The following CERS6 variants were observed in gnomAD, a reference collection of about 807,000 sequenced individuals.
CERS6 encodes LAG1 homolog, ceramide synthase 6.
CERS6 carries 26 observed loss-of-function variants against 56.8 expected under a neutral mutation model. That is an observed-to-expected ratio of 0.46 (90% CI 0.34 to 0.63). The LOEUF (loss-of-function observed/expected upper bound fraction) is 0.63. CERS6 is among the 30% of genes least tolerant of loss of function. The pLI is 0.01. For synonymous variants in CERS6, 164 were observed against 173.3 expected (o/e 0.95, Z 0.42); for missense variants, 415 against 467.5 (o/e 0.89, Z 1.04).
intron 4 of CERS6, among the ~76,000 whole-genome samples, chr2:168,685,370 T>C (rs190879571): frequency 3.3e-5 from 5 of 152,318 alleles, no homozygotes; most frequent in African/African-American, 1.2e-4. Flanking sequence ...CATGTATGTA[T>C]GTATGTGATT....
intron 4 of CERS6, among the ~76,000 whole-genome samples, chr2:168,640,994 G>C (rs1685021631): frequency 6.6e-6 from 1 of 152,128 alleles, no homozygotes; most frequent in Admixed American, 6.5e-5. Context: ...AACTAAAGAT[G>C]ATGGTGGAGA....
rs148992562 is a variant in CERS6 at position 168,664,507 on chromosome 2, G to A, written c.466-26527G>A. ...TTATTAAGAATGTAAGGGAATAAAA[G>A]AATGGCTACTCCATAGACAGAGCAG... On this transcript the variant is annotated intron_variant, in intron 4 of 9. Coordinates refer to ENST00000305747, the MANE Select transcript of CERS6 (RefSeq NM_203463.3). 6.4e-3 allele frequency among the ~76,000 whole-genome samples: 976 copies of A among 152,298 alleles called. 9 individuals carry two copies. Among genetic ancestry groups the A allele is most frequent in the African/African-American group, 0.023 (942 of 41,566 alleles).
Position 168,770,526 on chromosome 2 carries a change from AAG to A in CERS6, c.*869_*870del, listed in dbSNP as rs1328583202. ...TGTCCTGTGTTCTGGGAATAACATA[AAG>A]AGAGCAACTGATTTCAGCCAGGTTT... On this transcript the variant is annotated 3_prime_UTR_variant, in exon 10 of 10. Transcript: ENST00000305747. The A allele has an allele frequency of 1.3e-5, 2 of 152,654 alleles. No homozygotes were observed. Among genetic ancestry groups the A allele is most frequent in the African/African-American group, 2.4e-5 (1 of 41,452 alleles). 9.5% of individuals were successfully genotyped at this position (152,654 alleles called of 1,614,324 possible).
chr2:168,694,473 T>C (rs981752539), intron 5 of CERS6, among the ~76,000 whole-genome samples: 2 of 152,198 alleles, frequency 1.3e-5, no homozygotes, highest in Admixed American at 1.3e-4. Flanking sequence ...TGAAATGTAC[T>C]GAACATTTTT....
chr2:168,699,229 C>T (rs1251845746), intron 6 of CERS6, among the ~76,000 whole-genome samples: 1 of 152,178 alleles, frequency 6.6e-6, no homozygotes, highest in African/African-American at 2.4e-5. Flanking sequence ...CAGATGCACT[C>T]TCCACCTTCT....
intron 4 of CERS6, among the ~76,000 whole-genome samples, chr2:168,658,742 G>GA (rs1685554019): frequency 6.6e-6 from 1 of 152,162 alleles, no homozygotes; most frequent in Non-Finnish European, 1.5e-5. Context: ...AACTGAGGCA[G>GA]AAAAAAAGTC....
rs1395866319 is a variant in CERS6 at position 168,773,595 on chromosome 2, G to C, written c.*3933G>C. 1 of 152,224 alleles carries C rather than the reference G, an allele frequency of 6.6e-6. No individual in the cohort carries two copies. The highest frequency in any genetic ancestry group is 1.5e-5 in the Non-Finnish European group (1 of 68,044). 9.4% of individuals were successfully genotyped at this position (152,224 alleles called of 1,614,324 possible). A position where few individuals can be genotyped will look rare whatever the true frequency, so the allele number is the denominator to read the frequency against. On this transcript the variant is annotated 3_prime_UTR_variant, in exon 10 of 10. Transcript: ENST00000305747. ...AGAAAATGCAATGAGCCCAGTTACT[G>C]CACTTGCCACTACCATGCTGTCCAT...
At chr2:168,676,456 C>T (rs968152420) in intron 4 of CERS6, among the ~76,000 whole-genome samples, 2 of 152,114 alleles carry the variant, frequency 1.3e-5, no homozygotes, top group African/African-American at 4.8e-5. Context: ...TTGATCCCCT[C>T]AGAAAAATTA....
chr2:168,683,456 A>G lies in CERS6; in HGVS notation c.466-7578A>G, dbSNP rs149606904. ...TAATCACTTTTTATGAACTCTTTAC[A>G]TATTAGAAATAGTAATCCTTTATCT... On this transcript the variant is annotated intron_variant, in intron 4 of 9. Coordinates refer to ENST00000305747, the MANE Select transcript of CERS6 (RefSeq NM_203463.3). Among the ~76,000 whole-genome samples the G allele has an allele frequency of 2.1e-3, 320 of 152,242 alleles. 2 individuals are homozygous for G. Among genetic ancestry groups the G allele is most frequent in the African/African-American group, 7.2e-3 (299 of 41,538 alleles).
intron 1 of CERS6, among the ~76,000 whole-genome samples, chr2:168,545,739 C>G (rs1558991983): frequency 6.6e-6 from 1 of 152,168 alleles, no homozygotes; most frequent in Non-Finnish European, 1.5e-5. Context: ...CAGGCATTGT[C>G]ACAGGGCATA....
chr2:168,527,456 A>C (rs1241045302), intron 1 of CERS6, among the ~76,000 whole-genome samples: 2 of 152,168 alleles, frequency 1.3e-5, no homozygotes, highest in African/African-American at 4.8e-5. Flanking sequence ...TTATAATGCC[A>C]TGTGTCCTAG....
At chr2:168,587,993 T>C (rs1683583603) in intron 3 of CERS6, among the ~76,000 whole-genome samples, 1 of 152,040 alleles carries the variant, frequency 6.6e-6, no homozygotes, top group Non-Finnish European at 1.5e-5. Flanking sequence ...GTGGCGCAGT[T>C]ATAGCTCACT....
intron 4 of CERS6, among the ~76,000 whole-genome samples, chr2:168,631,849 T>A (rs944684329): frequency 7.7e-6 from 1 of 130,004 alleles, no homozygotes; most frequent in African/African-American, 2.8e-5. Context: ...ATATAATATA[T>A]ATTATATATT....
At chr2:168,764,007 C>G (rs1684656092) in intron 8 of CERS6, among the ~76,000 whole-genome samples, 1 of 152,218 alleles carries the variant, frequency 6.6e-6, no homozygotes, top group Non-Finnish European at 1.5e-5. Flanking sequence ...TTTTATGTAT[C>G]TACTCCAGGT....
intron 3 of CERS6, among the ~76,000 whole-genome samples, chr2:168,577,761 A>G (rs1683312704): frequency 6.6e-6 from 1 of 152,198 alleles, no homozygotes; most frequent in Non-Finnish European, 1.5e-5. Context: ...TCCCAGTGAA[A>G]TAGGAAATGG....
chr2:168,545,509 ATT>A (rs61376408), intron 1 of CERS6, among the ~76,000 whole-genome samples: 4 of 145,540 alleles, frequency 2.7e-5, no homozygotes, highest in African/African-American at 5.0e-5. Flanking sequence ...ATTTTTTTTG[ATT>A]TTTTTTTTTT....
chr2:168,645,146 G>C (rs75277934), intron 4 of CERS6, among the ~76,000 whole-genome samples: 4 of 15,752 alleles, frequency 2.5e-4, no homozygotes, highest in African/African-American at 1.8e-3. Flanking sequence ...TATATATAGA[G>C]AGAGAGAGAG....
chr2:168,597,034 C>T (rs959418325), intron 3 of CERS6, among the ~76,000 whole-genome samples: 2 of 152,130 alleles, frequency 1.3e-5, no homozygotes, highest in Non-Finnish European at 2.9e-5. Flanking sequence ...AATTGGTGAA[C>T]ATTGAAGTCA....
At chr2:168,497,434 G>A (rs578166994) in intron 1 of CERS6, among the ~76,000 whole-genome samples, 3 of 152,130 alleles carry the variant, frequency 2.0e-5, no homozygotes, top group Non-Finnish European at 4.4e-5. Context: ...AAGAAAGAAA[G>A]ATAGATACCT....
Sources: allele counts gnomAD v4.1 joint callset (sites outside exome capture counted in the v4.1 genomes callset), GRCh38; gene constraint gnomAD v4.1.1; transcripts MANE v1.5; gene names NCBI Gene and HGNC (gene_info 2026-07-23, HGNC 2026-07-21).